GRM1: variants seen among roughly 807,000 people sequenced by gnomAD.
GRM1 encodes the protein glutamate metabotropic receptor 1.
A neutral mutation model predicts 90.9 loss-of-function variants in GRM1; 33 were observed. That is an observed-to-expected ratio of 0.36 (90% CI 0.28 to 0.49). The LOEUF is 0.49. Ranked by LOEUF, GRM1 falls within the 20% of genes least tolerant of loss-of-function variation. The pLI is 0.99. For missense variants in GRM1, 1,190 were observed against 1,534.3 expected (o/e 0.78, Z 3.75); for synonymous variants, 700 against 613.2 (o/e 1.14, Z -2.09).
At chr6:146,117,310 A>G (rs965106383) in intron 1 of GRM1, among the ~76,000 whole-genome samples, 4 of 151,738 alleles carry the variant, frequency 2.6e-5, no homozygotes, top group African/African-American at 9.7e-5. Flanking sequence ...TTTGCTCTAA[A>G]CACACTTTGT....
chr6:146,235,957 C>T (rs1484198311), intron 2 of GRM1, among the ~76,000 whole-genome samples: 1 of 151,778 alleles, frequency 6.6e-6, no homozygotes, highest in East Asian at 1.9e-4. Flanking sequence ...CCTTGTGTGC[C>T]TTATACTTTT....
intron 7 of GRM1, among the ~76,000 whole-genome samples, chr6:146,424,100 A>G (rs146702824): frequency 3.2e-4 from 48 of 152,156 alleles, no homozygotes; most frequent in African/African-American, 1.1e-3. Flanking sequence ...TCTCTTTCTC[A>G]TGTCCTCTTT....
intron 7 of GRM1, among the ~76,000 whole-genome samples, chr6:146,411,214 G>T (rs1222226829): frequency 6.6e-6 from 1 of 152,132 alleles, no homozygotes; most frequent in African/African-American, 2.4e-5. Flanking sequence ...AAGAATGCTG[G>T]AAATATTTCC....
chr6:146,174,978 G>C (rs749349427), intron 2 of GRM1, among the ~76,000 whole-genome samples: 5 of 152,178 alleles, frequency 3.3e-5, no homozygotes, highest in African/African-American at 7.2e-5. Context: ...TCCCTGAGGT[G>C]GGGGGCGGAT....
At position 146,184,122 on chromosome 6, in the gene GRM1, A is replaced by G. The variant is rs1778641148; in HGVS notation, c.950+24525A>G. Among the ~76,000 whole-genome samples the G allele has an allele frequency of 2.6e-5, 4 of 152,150 alleles. No homozygotes were observed. In the South Asian group the frequency reaches 6.2e-4, roughly 24 times the overall value. Reference sequence around the variant, plus strand: ...ATAATAGCACTTGCCAGATGATAAAAAAAGGTTTAACAGTATGATCATAAA... The same window carrying G: ...ATAATAGCACTTGCCAGATGATAAAGAAAGGTTTAACAGTATGATCATAAA... On this transcript the variant is annotated intron_variant, in intron 2 of 7. Coordinates refer to ENST00000282753, the MANE Select transcript of GRM1 (RefSeq NM_001278064.2).
intron 7 of GRM1, among the ~76,000 whole-genome samples, chr6:146,431,408 G>T (rs1778401043): frequency 1.3e-5 from 2 of 152,204 alleles, no homozygotes; most frequent in African/African-American, 4.8e-5. Flanking sequence ...CATAGAACCT[G>T]TGGACAATGA....
In GRM1 at chr6:146,104,302, T is replaced by C. The variant is rs537250929; in HGVS notation, c.701-55046T>C. Among the ~76,000 whole-genome samples the C allele has an allele frequency of 1.9e-3, 291 of 151,378 alleles. 4 individuals carry two copies. Among genetic ancestry groups the C allele is most frequent in the Non-Finnish European group, 4.3e-4 (29 of 67,810 alleles). On this transcript the variant is annotated intron_variant, in intron 1 of 7. Transcript: ENST00000282753. ...AAAAATACAAAAAATTAGCCAGGCG[T>C]GGTGGCGGGCGCCTGTAGTCCCAGC...
chr6:146,375,932 T>C (rs976618989), intron 5 of GRM1, among the ~76,000 whole-genome samples: 3 of 152,034 alleles, frequency 2.0e-5, no homozygotes, highest in Admixed American at 6.6e-5. Flanking sequence ...AGTTTTATGG[T>C]CTTCCCTCCC....
Position 146,274,976 on chromosome 6 carries a change from G to A in GRM1, c.951-29635G>A, listed in dbSNP as rs554691173. ...ATCCAGGAGGTGGAGTTTGCAGGGA[G>A]CCAAGATCGTGCCACTGCACTCCAG... is the stretch of plus-strand genomic sequence containing the variant. On this transcript the variant is annotated intron_variant, in intron 2 of 7. Coordinates refer to ENST00000282753, the MANE Select transcript of GRM1 (RefSeq NM_001278064.2). 2.0e-5 allele frequency among the ~76,000 whole-genome samples: 3 copies of A among 152,246 alleles called. No homozygotes were observed. In the South Asian group the frequency reaches 6.2e-4, roughly 32 times the overall value.
chr6:146,418,928 G>T (rs574929634), intron 7 of GRM1, among the ~76,000 whole-genome samples: 1 of 152,042 alleles, frequency 6.6e-6, no homozygotes, highest in Non-Finnish European at 1.5e-5. Context: ...AAAAAATTGG[G>T]GCATATGAAA....
intron 1 of GRM1, among the ~76,000 whole-genome samples, chr6:146,146,367 G>A (rs1337614954): frequency 2.0e-5 from 3 of 151,858 alleles, no homozygotes; most frequent in South Asian, 2.1e-4. Flanking sequence ...GATTACAGGC[G>A]TGAGCCACCG....
intron 5 of GRM1, among the ~76,000 whole-genome samples, chr6:146,383,709 A>T (rs550177805): frequency 1.3e-3 from 201 of 152,226 alleles, no homozygotes; most frequent in Non-Finnish European, 2.1e-3. Flanking sequence ...GTGCAGGAAG[A>T]TAATTTTATT....
chr6:146,141,537 G>A (rs1302128314), intron 1 of GRM1, among the ~76,000 whole-genome samples: 1 of 151,904 alleles, frequency 6.6e-6, no homozygotes, highest in Non-Finnish European at 1.5e-5. Flanking sequence ...GTCTTTTTGA[G>A]ACTATATTCT....
At chr6:146,377,469 CA>C (rs1776145286) in intron 5 of GRM1, among the ~76,000 whole-genome samples, 1 of 152,120 alleles carries the variant, frequency 6.6e-6, no homozygotes, top group Admixed American at 6.5e-5. Flanking sequence ...GTCCTTGCCC[CA>C]GAGACCTGTG....
chr6:146,227,633 C>T lies in GRM1; in HGVS notation c.950+68036C>T, dbSNP rs1052640123. Among the ~76,000 whole-genome samples, 7 of 152,118 alleles carry T rather than the reference C, an allele frequency of 4.6e-5. 1 individual carries two copies. Among genetic ancestry groups the T allele is most frequent in the African/African-American group, 1.7e-4 (7 of 41,440 alleles). On this transcript the variant is annotated intron_variant, in intron 2 of 7. Coordinates refer to ENST00000282753, the MANE Select transcript of GRM1 (RefSeq NM_001278064.2). The stretch of plus-strand genomic sequence containing the variant: ...AATGCTTAATATGCTACTAATCTAT[C>T]AATGCTTCATATGGACCAATCTCAG...
At chr6:146,430,827 A>G (rs1778381071) in intron 7 of GRM1, among the ~76,000 whole-genome samples, 1 of 152,228 alleles carries the variant, frequency 6.6e-6, no homozygotes, top group Non-Finnish European at 1.5e-5. Flanking sequence ...ATTTGAATAC[A>G]GAACAAAACA....
chr6:146,051,672 G>A (rs151285515), intron 1 of GRM1, among the ~76,000 whole-genome samples: 290 of 152,170 alleles, frequency 1.9e-3, no homozygotes, highest in African/African-American at 5.9e-3. Context: ...TGCCTGCAGC[G>A]GGGAGCCAGT....
chr6:146,313,431 T>C (rs1783842823), intron 3 of GRM1, among the ~76,000 whole-genome samples: 1 of 152,230 alleles, frequency 6.6e-6, no homozygotes, highest in South Asian at 2.1e-4. Flanking sequence ...TGTTCATAAA[T>C]ATTTCACCCT....
intron 7 of GRM1, among the ~76,000 whole-genome samples, chr6:146,409,932 AG>A (rs1261159018): frequency 2.0e-5 from 3 of 152,228 alleles, no homozygotes; most frequent in Admixed American, 6.5e-5. Flanking sequence ...CAATAACAGT[AG>A]GAAATACTTT....
Sources: gnomAD v4.1 joint callset for allele counts (sites outside exome capture counted in the v4.1 genomes callset) on GRCh38, gnomAD v4.1.1 for gene constraint, MANE v1.5 for transcripts, NCBI Gene and HGNC (gene_info 2026-07-23, HGNC 2026-07-21) for gene names.